Variants in LNPK observed in about 807,000 individuals in gnomAD.
LNPK encodes lunapark, ER junction formation factor.
In LNPK, 29 loss-of-function variants were observed where a neutral mutation model predicts 55.2. The observed-to-expected ratio is 0.53, with a 90% CI of 0.39 to 0.72. The LOEUF is 0.72. Ranked by LOEUF, LNPK falls within the 30% of genes least tolerant of loss-of-function variation. LNPK has a pLI of 0.00. For missense variants in LNPK, 467 were observed against 494.8 expected (o/e 0.94, Z 0.53); for synonymous variants, 162 against 168.2 (o/e 0.96, Z 0.29).
intron 9 of LNPK, among the ~76,000 whole-genome samples, chr2:175,943,500 G>A (rs1206038127): frequency 6.6e-6 from 1 of 151,934 alleles, no homozygotes; most frequent in Admixed American, 6.6e-5. Context: ...AATGAGTATT[G>A]ATATAAACAT....
intron 9 of LNPK, among the ~76,000 whole-genome samples, chr2:175,943,497 A>G (rs2105550348): frequency 6.6e-6 from 1 of 152,198 alleles, no homozygotes; most frequent in East Asian, 1.9e-4. Flanking sequence ...CCTAATGAGT[A>G]TTGATATAAA....
chr2:175,959,315 G>A (rs2105606998), intron 8 of LNPK, among the ~76,000 whole-genome samples: 1 of 152,316 alleles, frequency 6.6e-6, no homozygotes, highest in South Asian at 2.1e-4. Flanking sequence ...TGCAGCCAGA[G>A]AGAAAAGTCG....
At position 175,930,144 on chromosome 2, in the gene LNPK, T is replaced by C. The variant is rs1349801010; in HGVS notation, c.1110A>G (p.Ile370Met). The change falls in exon 13 of 13, where the codon ATA becomes ATG. Residue 370 changes from isoleucine to methionine, a missense_variant. Physicochemically the swap from Ile to Met is conservative, Grantham distance 10. Coordinates refer to ENST00000272748, the MANE Select transcript of LNPK (RefSeq NM_030650.3). ...DDNTEQTDDK[I>M]PATEQTNQVI... ...CTTGGTTTGTCTGTTCTGTAGCTGGTATTTTGTCATCTGTCTGCTCTGTAT... is the reference window on the plus strand; with the variant it reads ...CTTGGTTTGTCTGTTCTGTAGCTGGCATTTTGTCATCTGTCTGCTCTGTAT... 6.2e-6 allele frequency: 10 copies of C among 1,613,258 alleles called. No individual in the cohort carries two copies. In the South Asian group the frequency reaches 9.9e-5, roughly 16 times the overall value.
intron 5 of LNPK, among the ~76,000 whole-genome samples, chr2:175,978,325 C>T (rs1245007144): frequency 2.0e-5 from 3 of 151,964 alleles, no homozygotes; most frequent in Admixed American, 2.0e-4. Context: ...CTTTTATTCT[C>T]GGAGGGTATT....
chr2:175,990,056 TA>T (rs1687626243), intron 4 of LNPK, among the ~76,000 whole-genome samples: 4 of 152,336 alleles, frequency 2.6e-5, no homozygotes, highest in East Asian at 3.9e-4. Flanking sequence ...CAAAACAACA[TA>T]CTTTATTGCC....
intron 4 of LNPK, among the ~76,000 whole-genome samples, chr2:175,984,590 A>T (rs1023922958): frequency 9.2e-5 from 14 of 152,210 alleles, no homozygotes; most frequent in African/African-American, 3.4e-4. Context: ...ATAAAGATAC[A>T]TATTAATGGC....
rs1280431266 is a variant in LNPK, at chr2:175,953,250, GCTCTTA to G, written c.494-5564_494-5559del. Among the ~76,000 whole-genome samples the G allele has an allele frequency of 3.9e-5, 6 of 151,958 alleles. No individual in the cohort carries two copies. The East Asian group carries it at 1.2e-3, about 29-fold the overall frequency. On this transcript the variant is annotated intron_variant, in intron 8 of 12. Coordinates refer to ENST00000272748, the MANE Select transcript of LNPK (RefSeq NM_030650.3). Reference sequence around the variant, plus strand: ...TGTTCCCTGTAGTTCTGTCTTAGGTGCTCTTACTCTATTTTCTCTCTCTGGGCAATT... The same window carrying G: ...TGTTCCCTGTAGTTCTGTCTTAGGTGCTCTATTTTCTCTCTCTGGGCAATT...
rs1251692002 is a variant in LNPK, at chr2:175,928,478, G to A, written c.*1489C>T. On this transcript the variant is annotated 3_prime_UTR_variant, in exon 13 of 13. Coordinates refer to ENST00000272748, the MANE Select transcript of LNPK (RefSeq NM_030650.3). ...GCTCAAAAACTCTGGTTACTATACC[G>A]GATGTCCCAGACTGTTAACAGATTG... 5.6e-5 allele frequency: 8 copies of A among 142,708 alleles called. No individual in the cohort carries two copies. The highest frequency in any genetic ancestry group is 2.3e-4 in the South Asian group (1 of 4,424). 8.8% of individuals were successfully genotyped at this position (142,708 alleles called of 1,614,324 possible).
At position 175,924,700 on chromosome 2, in the gene LNPK, A is replaced by C; in HGVS notation, c.*5267T>G. 1 of 152,216 alleles carries C rather than the reference A, an allele frequency of 6.6e-6. No homozygotes were observed. The highest frequency in any genetic ancestry group is 1.5e-5 in the Non-Finnish European group (1 of 68,394). The allele number at this position is 152,216 out of a possible 1,614,324, so 9.4% of individuals were successfully genotyped here. On this transcript the variant is annotated 3_prime_UTR_variant, in exon 13 of 13. Coordinates refer to ENST00000272748, the MANE Select transcript of LNPK (RefSeq NM_030650.3). ...TGAAAAAAAAACAAAACAAACAAAA[A>C]AAAAAAACAAAGAAGAAGTTTATTT...
At chr2:175,983,589 GA>G (rs1022760279) in intron 4 of LNPK, among the ~76,000 whole-genome samples, 14 of 152,092 alleles carry the variant, frequency 9.2e-5, no homozygotes, top group African/African-American at 3.4e-4. Flanking sequence ...TAAGGTAAAA[GA>G]AAAAGACCTT....
At chr2:175,981,848 C>T (rs140662122) in intron 4 of LNPK, among the ~76,000 whole-genome samples, 155 of 152,312 alleles carry the variant, frequency 1.0e-3, no homozygotes, top group African/African-American at 3.3e-3. Context: ...AGCTAAGCAG[C>T]TCTTAACATT....
chr2:175,970,871 A>T lies in LNPK; in HGVS notation c.317-67T>A, dbSNP rs1279953000. On this transcript the variant is annotated intron_variant, in intron 5 of 12. Coordinates refer to ENST00000272748, the MANE Select transcript of LNPK (RefSeq NM_030650.3). ...ATAAGAAAAAATCACGCCAAATGAC[A>T]CACGGTAGCAAACACAAGAAAACTT... The T allele has an allele frequency of 3.9e-6, 5 of 1,280,314 alleles. No homozygotes were observed. In the African/African-American group the frequency reaches 7.8e-5, roughly 20 times the overall value. 79.3% of individuals were successfully genotyped at this position (1,280,314 alleles called of 1,614,324 possible). A position where few individuals can be genotyped will look rare whatever the true frequency, so the allele number is the denominator to read the frequency against.
At position 175,939,617 on chromosome 2, in the gene LNPK, G is replaced by A; in HGVS notation, c.747C>T (p.Leu249=). 6.2e-7 allele frequency: 1 copy of A among 1,607,808 alleles called. No individual in the cohort carries two copies. The highest frequency in any genetic ancestry group is 8.5e-7 in the Non-Finnish European group (1 of 1,175,332). The change falls in exon 10 of 13, where the codon CTC becomes CTT. Residue 249 remains leucine, a synonymous_variant. Coordinates refer to ENST00000272748, the MANE Select transcript of LNPK (RefSeq NM_030650.3). ...PPGPPLARPI[L]PRERGALDRI... ...TATCCAAAGCACCTCGTTCTCGGGG[G>A]AGAATAGGTCTTGCTAAAGGTGGAC...
intron 12 of LNPK, among the ~76,000 whole-genome samples, chr2:175,934,116 G>A (rs149411473): frequency 1.0e-3 from 154 of 152,284 alleles, no homozygotes; most frequent in African/African-American, 3.3e-3. Context: ...AAAGATCTCT[G>A]TGTCTAAAAC....
intron 4 of LNPK, among the ~76,000 whole-genome samples, chr2:175,984,526 A>G (rs1451690338): frequency 6.6e-6 from 1 of 152,208 alleles, no homozygotes; most frequent in Non-Finnish European, 1.5e-5. Flanking sequence ...CAGTTAAAAA[A>G]ACTAATAATC....
intron 1 of LNPK, among the ~76,000 whole-genome samples, chr2:176,001,156 GTT>G (rs1688145716): frequency 6.6e-6 from 1 of 152,160 alleles, no homozygotes; most frequent in Non-Finnish European, 1.5e-5. Flanking sequence ...AAGAAAATGT[GTT>G]AAAAGTCAAC....
chr2:175,994,562 G>T (rs571072892), intron 2 of LNPK, among the ~76,000 whole-genome samples: 1 of 151,406 alleles, frequency 6.6e-6, no homozygotes, highest in African/African-American at 2.4e-5. Context: ...TAGCTCTGTC[G>T]CCCAGGCTGG....
rs1683906997 is a variant in LNPK, at chr2:175,924,145, G to C, written c.*5822C>G. ...TTGAATTCCCTTTAATGTCTCTTTA[G>C]AAGTTCATAAACTATATCTAGATCT... is the stretch of plus-strand genomic sequence containing the variant. On this transcript the variant is annotated 3_prime_UTR_variant, in exon 13 of 13. Transcript: ENST00000272748. The C allele has an allele frequency of 1.3e-5, 2 of 152,044 alleles. No individual in the cohort carries two copies. The highest frequency in any genetic ancestry group is 2.4e-5 in the African/African-American group (1 of 41,412). 9.4% of individuals were successfully genotyped at this position (152,044 alleles called of 1,614,324 possible).
intron 8 of LNPK, among the ~76,000 whole-genome samples, chr2:175,963,020 A>G (rs1349195583): frequency 3.4e-5 from 5 of 148,426 alleles, no homozygotes; most frequent in African/African-American, 1.3e-4. Flanking sequence ...ATCTCACACC[A>G]GTTAGAATGG....
Sources: gnomAD v4.1 joint callset for allele counts (sites outside exome capture counted in the v4.1 genomes callset) on GRCh38, gnomAD v4.1.1 for gene constraint, MANE v1.5 for transcripts, NCBI Gene and HGNC (gene_info 2026-07-23, HGNC 2026-07-21) for gene names.